TRAPPC9: variants seen among roughly 807,000 people sequenced by gnomAD.
TRAPPC9 encodes trafficking protein particle complex subunit 9, also known as IKK2 binding protein.
In TRAPPC9, 83 loss-of-function variants were observed where a neutral mutation model predicts 124.0. That is an observed-to-expected ratio of 0.67 (90% CI 0.56 to 0.80). The LOEUF is 0.80. Among genes scored for constraint, TRAPPC9 ranks in the 30% least tolerant of loss-of-function variants. TRAPPC9 has a pLI of 0.00. For synonymous variants in TRAPPC9, 638 were observed against 617.5 expected (o/e 1.03, Z -0.49); for missense variants, 1,302 against 1,508.3 (o/e 0.86, Z 2.27).
chr8:139,793,086 G>C (rs1298664885), intron 21 of TRAPPC9, among the ~76,000 whole-genome samples: 1 of 152,154 alleles, frequency 6.6e-6, no homozygotes, highest in East Asian at 1.9e-4. Context: ...TGCCAGGGAG[G>C]AATGCTGTGC....
intron 17 of TRAPPC9, among the ~76,000 whole-genome samples, chr8:140,143,354 G>C (rs1256095714): frequency 6.6e-6 from 1 of 152,082 alleles, no homozygotes; most frequent in Non-Finnish European, 1.5e-5. Context: ...TGATCTATCA[G>C]TGGGACTCAC....
chr8:140,296,309 G>A (rs2065802618), intron 11 of TRAPPC9, among the ~76,000 whole-genome samples: 3 of 152,150 alleles, frequency 2.0e-5, no homozygotes, highest in Admixed American at 2.0e-4. Flanking sequence ...CTGTCACCCA[G>A]GCTGGAGTGC....
chr8:139,837,688 C>T (rs1826447502), intron 21 of TRAPPC9, among the ~76,000 whole-genome samples: 2 of 152,354 alleles, frequency 1.3e-5, no homozygotes, highest in South Asian at 4.1e-4. Context: ...ATCTTTGGCA[C>T]ACCCACGTGG....
chr8:139,807,708 C>T (rs1212681205), intron 21 of TRAPPC9, among the ~76,000 whole-genome samples: 4 of 152,048 alleles, frequency 2.6e-5, no homozygotes, highest in African/African-American at 9.7e-5. Context: ...GCTTAACACC[C>T]GAGAAATTCT....
chr8:140,297,516 G>A (rs2065843386), intron 11 of TRAPPC9, among the ~76,000 whole-genome samples: 1 of 152,136 alleles, frequency 6.6e-6, no homozygotes, highest in Non-Finnish European at 1.5e-5. Flanking sequence ...CCAAAATACA[G>A]TATTGACTGC....
intron 17 of TRAPPC9, among the ~76,000 whole-genome samples, chr8:140,101,588 G>A (rs2060582249): frequency 7.4e-6 from 1 of 134,274 alleles, no homozygotes; most frequent in African/African-American, 2.9e-5. Flanking sequence ...TGTCACCCAG[G>A]CTGGAGTGCA....
At chr8:139,745,376 A>G (rs1160556993) in intron 21 of TRAPPC9, among the ~76,000 whole-genome samples, 1 of 152,262 alleles carries the variant, frequency 6.6e-6, no homozygotes. Flanking sequence ...GATCCTGGCC[A>G]GAGAGAAATG....
At chr8:139,799,210 C>T (rs867267577) in intron 21 of TRAPPC9, among the ~76,000 whole-genome samples, 34 of 152,106 alleles carry the variant, frequency 2.2e-4, no homozygotes, top group African/African-American at 8.2e-4. Flanking sequence ...GCAAGAAAAC[C>T]TATCATTTTT....
chr8:140,423,576 G>GCAGA (rs1554684606), intron 5 of TRAPPC9, among the ~76,000 whole-genome samples: 2 of 75,990 alleles, frequency 2.6e-5, no homozygotes, highest in African/African-American at 1.1e-4. Flanking sequence ...ACAAAATGTG[G>GCAGA]CATACACACA....
intron 17 of TRAPPC9, among the ~76,000 whole-genome samples, chr8:140,070,510 A>G (rs1190212031): frequency 6.6e-6 from 1 of 152,252 alleles, no homozygotes; most frequent in Non-Finnish European, 1.5e-5. Context: ...TTTTCTTTCA[A>G]TAATCGACAC....
rs546320006 is a variant in TRAPPC9 at position 140,127,160 on chromosome 8, T to C, written c.2556+94299A>G. ...GCAAAAAGGCATTTAGCATGGCACTTGGCTCAAAGGAGATGTCTAATCGTT... is the reference window on the plus strand; with the variant it reads ...GCAAAAAGGCATTTAGCATGGCACTCGGCTCAAAGGAGATGTCTAATCGTT... On this transcript the variant is annotated intron_variant, in intron 17 of 22. Coordinates refer to ENST00000438773, the MANE Select transcript of TRAPPC9 (RefSeq NM_001160372.4). Among the ~76,000 whole-genome samples the C allele has an allele frequency of 3.9e-5, 6 of 152,334 alleles. No homozygotes were observed. The South Asian group carries it at 1.0e-3, about 26-fold the overall frequency.
Position 140,037,910 on chromosome 8 carries a change from A to ACCCC in TRAPPC9, c.2557-13835_2557-13832dup, listed in dbSNP as rs60146012. On this transcript the variant is annotated intron_variant, in intron 17 of 22. Transcript: ENST00000438773. ...CACACACACACACACACACACACAC[A>ACCCC]CCCCAGAGCTTCCCTCGTGCTGCAT... 1.9e-4 allele frequency among the ~76,000 whole-genome samples: 24 copies of ACCCC among 129,106 alleles called. 1 individual carries two copies. Among genetic ancestry groups the ACCCC allele is most frequent in the African/African-American group, 6.4e-4 (24 of 37,762 alleles). 84.7% of individuals were successfully genotyped at this position (129,106 alleles called of 152,430 possible). A position where few individuals can be genotyped will look rare whatever the true frequency, so the allele number is the denominator to read the frequency against.
intron 18 of TRAPPC9, among the ~76,000 whole-genome samples, chr8:140,022,548 C>T (rs1021558687): frequency 3.3e-5 from 5 of 152,106 alleles, no homozygotes; most frequent in African/African-American, 1.2e-4. Flanking sequence ...GAAAAAAAGA[C>T]GAACTCAGCT....
At chr8:139,828,538 C>T (rs763008556) in intron 21 of TRAPPC9, among the ~76,000 whole-genome samples, 2 of 152,204 alleles carry the variant, frequency 1.3e-5, no homozygotes, top group African/African-American at 2.4e-5. Flanking sequence ...ATTACCAAAT[C>T]GGGAAATGCT....
At chr8:140,286,013 C>G (rs536711872) in intron 13 of TRAPPC9, among the ~76,000 whole-genome samples, 1 of 152,200 alleles carries the variant, frequency 6.6e-6, no homozygotes, top group South Asian at 2.1e-4. Flanking sequence ...GCGAGACACA[C>G]GAGGCCAGCA....
chr8:140,332,358 CA>C (rs1415892941), intron 9 of TRAPPC9, among the ~76,000 whole-genome samples: 2 of 152,060 alleles, frequency 1.3e-5, no homozygotes, highest in East Asian at 3.8e-4. Flanking sequence ...TCAACAGAGA[CA>C]AAATTACAGC....
At chr8:139,994,756 A>G (rs1383013375) in intron 18 of TRAPPC9, among the ~76,000 whole-genome samples, 1 of 152,196 alleles carries the variant, frequency 6.6e-6, no homozygotes, top group African/African-American at 2.4e-5. Context: ...TCCAACAACA[A>G]GAAAGCAATC....
chr8:140,282,578 A>T (rs892197755), intron 14 of TRAPPC9, among the ~76,000 whole-genome samples: 1 of 151,898 alleles, frequency 6.6e-6, no homozygotes, highest in Admixed American at 6.6e-5. Flanking sequence ...AAAAAAAAAA[A>T]ATTGAGACCA....
intron 17 of TRAPPC9, among the ~76,000 whole-genome samples, chr8:140,176,133 T>C (rs2062065680): frequency 1.3e-5 from 2 of 152,336 alleles, no homozygotes; most frequent in Non-Finnish European, 1.5e-5. Context: ...AAAGACGATC[T>C]CTCTTGAACT....
Sources: gnomAD v4.1 joint callset for allele counts (sites outside exome capture counted in the v4.1 genomes callset) on GRCh38, gnomAD v4.1.1 for gene constraint, MANE v1.5 for transcripts, NCBI Gene and HGNC (gene_info 2026-07-23, HGNC 2026-07-21) for gene names.